The following CFAP251 variants were observed in gnomAD, a reference collection of about 807,000 sequenced individuals.
CFAP251 encodes the protein cilia- and flagella-associated protein 251.
CFAP251 carries 93 observed loss-of-function variants against 126.7 expected under a neutral mutation model. The ratio of observed to expected loss-of-function variants is 0.73; its 90% CI spans 0.62 to 0.87. CFAP251 has a LOEUF of 0.87. CFAP251 is among the 40% of genes least tolerant of loss of function. CFAP251 has a pLI of 0.00. For missense variants in CFAP251, 1,287 were observed against 1,389.2 expected (o/e 0.93, Z 1.17); for synonymous variants, 503 against 506.9 (o/e 0.99, Z 0.10).
chr12:121,937,065 T>G (rs1880923641), intron 5 of CFAP251, among the ~76,000 whole-genome samples: 1 of 152,198 alleles, frequency 6.6e-6, no homozygotes, highest in South Asian at 2.1e-4. Flanking sequence ...TAATGACATC[T>G]ACTGTTTTTT....
intron 15 of CFAP251, among the ~76,000 whole-genome samples, chr12:121,963,991 TGA>T (rs1882036972): frequency 6.6e-6 from 1 of 151,952 alleles, no homozygotes. Context: ...AATGTTTCAG[TGA>T]TCCACCACGA....
chr12:121,967,168 C>A, intron 16 of CFAP251, 99 bp downstream of exon 16: 1 of 1,128,554 alleles, frequency 8.9e-7, no homozygotes. Context: ...TCTGGGTTTA[C>A]AGCCAAGCCC....
At chr12:121,996,148 C>T (rs73415675) in intron 19 of CFAP251, among the ~76,000 whole-genome samples, 5,519 of 152,130 alleles carry the variant, frequency 0.036, 335 homozygotes, top group African/African-American at 0.12. Flanking sequence ...AATTGGTTAC[C>T]GATTGATAAG....
At chr12:121,928,636 ACG>A (rs142246665) in intron 3 of CFAP251, among the ~76,000 whole-genome samples, 50,767 of 106,890 alleles carry the variant, frequency 0.47, 12,582 homozygotes, top group Middle Eastern at 0.53. Context: ...GTATATATAT[ACG>A]TATATATATA....
intron 6 of CFAP251, 54 bp from the exon 7 acceptor site, chr12:121,942,841 C>G: frequency 1.3e-6 from 2 of 1,595,040 alleles, no homozygotes; most frequent in South Asian, 1.1e-5. Context: ...GTGTAAGTTA[C>G]TTCAGCAGAC....
chr12:121,967,528 CCG>C (rs1166466336), intron 16 of CFAP251, among the ~76,000 whole-genome samples: 2 of 152,128 alleles, frequency 1.3e-5, no homozygotes, highest in Non-Finnish European at 2.9e-5. Flanking sequence ...CGGTGAAACC[CCG>C]TCTCTACTAA....
chr12:121,992,709 CTGGGACTACAGGCACA>C (rs879910377), intron 19 of CFAP251, among the ~76,000 whole-genome samples: 30 of 151,962 alleles, frequency 2.0e-4, no homozygotes, highest in Middle Eastern at 3.2e-3. Context: ...TCCCAAGTAG[CTGGGACTACAGGCACA>C]TGCGCCACCA....
At position 122,001,561 on chromosome 12, in the gene CFAP251, GGGA is replaced by G; in HGVS notation, c.3301_3303del (p.Gly1101del). The G allele has an allele frequency of 6.2e-7, 1 of 1,614,152 alleles. No individual in the cohort carries two copies. The highest frequency in any genetic ancestry group is 2.2e-5 in the East Asian group (1 of 44,886). On this transcript the variant is annotated inframe_deletion, in exon 21 of 22. Coordinates refer to ENST00000288912, the MANE Select transcript of CFAP251 (RefSeq NM_144668.6). ...CTTCACTGTTTGGCCTGAATCCCGA[GGGA>G]TGGAAATCCGAGCCTGCAACCTGCT...
chr12:121,960,749 C>G lies in CFAP251; in HGVS notation c.2298C>G (p.Asp766Glu), dbSNP rs750432991. The change falls in exon 14 of 22, where the codon GAC (aspartate) becomes GAG (glutamate). Residue 766 changes from aspartate (D) to glutamate (E), a missense_variant. Asp to Glu is a conservative substitution (Grantham distance 45). Coordinates refer to ENST00000288912, the MANE Select transcript of CFAP251 (RefSeq NM_144668.6). ...NEPRLLSLGT[D>E]RLLIEYDLLR... is the part of the protein sequence containing the mutation. Reference sequence around the variant, plus strand: ...CTAGACTGCTGAGCCTTGGGACAGACAGGCTCTTGGTGAGCTGTTTAGTTT... The same window carrying G: ...CTAGACTGCTGAGCCTTGGGACAGAGAGGCTCTTGGTGAGCTGTTTAGTTT... 6.2e-7 allele frequency: 1 copy of G among 1,613,078 alleles called. No homozygotes were observed. Among genetic ancestry groups the G allele is most frequent in the Admixed American group, 1.7e-5 (1 of 59,976 alleles).
intron 7 of CFAP251, among the ~76,000 whole-genome samples, chr12:121,945,803 C>G (rs1269564208): frequency 6.6e-6 from 1 of 151,766 alleles, no homozygotes; most frequent in Non-Finnish European, 1.5e-5. Flanking sequence ...GTAGCTGGGA[C>G]TACAGGCGCC....
chr12:121,967,657 G>T (rs368800953), intron 16 of CFAP251, among the ~76,000 whole-genome samples: 2 of 152,192 alleles, frequency 1.3e-5, no homozygotes, highest in African/African-American at 4.8e-5. Context: ...AGCCGAGATC[G>T]CGCCACTGCA....
At chr12:121,945,387 AG>A (rs1881281625) in intron 7 of CFAP251, among the ~76,000 whole-genome samples, 1 of 151,400 alleles carries the variant, frequency 6.6e-6, no homozygotes, top group Non-Finnish European at 1.5e-5. Flanking sequence ...TCTGTTGCCC[AG>A]GCTGGAGTGC....
At chr12:121,983,167 T>A (rs979183377) in intron 19 of CFAP251, among the ~76,000 whole-genome samples, 6 of 151,908 alleles carry the variant, frequency 3.9e-5, no homozygotes, top group Non-Finnish European at 8.8e-5. Flanking sequence ...GCACAGGAGA[T>A]CAAGACTGTA....
At chr12:121,978,180 CAGG>C (rs1882517438) in intron 19 of CFAP251, among the ~76,000 whole-genome samples, 1 of 150,552 alleles carries the variant, frequency 6.6e-6, no homozygotes, top group Non-Finnish European at 1.5e-5. Flanking sequence ...ATCACGAGGT[CAGG>C]AGATCGAGAC....
At chr12:121,994,332 G>T (rs1356076216) in intron 19 of CFAP251, among the ~76,000 whole-genome samples, 3 of 61,774 alleles carry the variant, frequency 4.9e-5, no homozygotes, top group East Asian at 9.1e-4. Flanking sequence ...GGAGGGAGGT[G>T]GGGGGGGTCA....
chr12:121,967,581 A>G (rs1211229641), intron 16 of CFAP251, among the ~76,000 whole-genome samples: 4 of 152,204 alleles, frequency 2.6e-5, no homozygotes, highest in African/African-American at 9.6e-5. Flanking sequence ...GGGCGCCTGT[A>G]GTCCCAGCTA....
chr12:121,969,413 C>T, intron 17 of CFAP251: 2 of 985,388 alleles, frequency 2.0e-6, no homozygotes, highest in Non-Finnish European at 2.4e-6. Context: ...TGCCTGGTTC[C>T]TTGCTCCCTG....
chr12:121,919,450 C>T (rs969464941), intron 1 of CFAP251, among the ~76,000 whole-genome samples: 1 of 152,142 alleles, frequency 6.6e-6, no homozygotes, highest in Non-Finnish European at 1.5e-5. Context: ...GGTTGCTTTT[C>T]TCTCAAATAA....
intron 8 of CFAP251, chr12:121,950,731 T>A (rs1175657930): frequency 1.3e-5 from 2 of 151,668 alleles, no homozygotes; most frequent in African/African-American, 4.8e-5. Context: ...CTAATTTTTG[T>A]ATTTTTAGTA....
Sources: gnomAD v4.1 joint callset for allele counts (sites outside exome capture counted in the v4.1 genomes callset) on GRCh38, gnomAD v4.1.1 for gene constraint, MANE v1.5 for transcripts, NCBI Gene and HGNC (gene_info 2026-07-23, HGNC 2026-07-21) for gene names.